The following KDM4B variants were observed in gnomAD, a reference collection of about 807,000 sequenced individuals.
The protein encoded by KDM4B is lysine demethylase 4B, also known as lysine-specific demethylase 4B.
In KDM4B, 32 loss-of-function variants were observed where a neutral mutation model predicts 125.2. The observed-to-expected ratio is 0.26, with a 90% CI of 0.19 to 0.34. KDM4B has a LOEUF of 0.34. Among genes scored for constraint, KDM4B ranks in the 10% least tolerant of loss-of-function variants. KDM4B has a pLI of 1.00. For missense variants in KDM4B, 1,190 were observed against 1,577.7 expected (o/e 0.75, Z 4.16); for synonymous variants, 721 against 677.9 (o/e 1.06, Z -0.99).
At position 5,131,359 on chromosome 19, in the gene KDM4B, G is replaced by A. The variant is rs768722124; in HGVS notation, c.1599G>A (p.Pro533=). Residue 533 remains proline (P), a synonymous_variant, in exon 12 of 23, where the codon CCG becomes CCA. Coordinates refer to ENST00000159111, the MANE Select transcript of KDM4B (RefSeq NM_015015.3). ...RPIIPMLYVV[P]RPGKAAFNQE... Reference sequence around the variant, plus strand: ...TCATCCCCATGCTGTACGTGGTGCCGCGGCCGGGCAAGGCAGCCTTCAACC... The same window carrying A: ...TCATCCCCATGCTGTACGTGGTGCCACGGCCGGGCAAGGCAGCCTTCAACC... 21 of 1,611,934 alleles carry A rather than the reference G, an allele frequency of 1.3e-5. No homozygotes were observed. Among genetic ancestry groups the A allele is most frequent in the South Asian group, 3.3e-5 (3 of 91,044 alleles).
intron 14 of KDM4B, among the ~76,000 whole-genome samples, chr19:5,134,881 C>T (rs1026530958): frequency 2.0e-5 from 3 of 152,198 alleles, no homozygotes; most frequent in South Asian, 2.1e-4. Context: ...ACCTGACAGC[C>T]GACACCGTCT....
intron 21 of KDM4B, among the ~76,000 whole-genome samples, chr19:5,149,432 G>T (rs912169786): frequency 6.6e-6 from 1 of 152,210 alleles, no homozygotes; most frequent in Admixed American, 6.5e-5. Flanking sequence ...AGCCTCCTGG[G>T]TAGCTGGGAC....
At chr19:4,978,181 G>A (rs552572018) in intron 1 of KDM4B, among the ~76,000 whole-genome samples, 38 of 152,184 alleles carry the variant, frequency 2.5e-4, no homozygotes, top group Non-Finnish European at 5.0e-4. Context: ...GGGACGAGGC[G>A]GAGGAAGTCG....
chr19:4,998,884 G>C (rs1302260189), intron 1 of KDM4B, among the ~76,000 whole-genome samples: 2 of 152,164 alleles, frequency 1.3e-5, no homozygotes, highest in Non-Finnish European at 2.9e-5. Context: ...GAAAGTCCTG[G>C]AGCCGACATT....
intron 22 of KDM4B, among the ~76,000 whole-genome samples, chr19:5,150,967 T>G (rs1229621784): frequency 6.6e-6 from 1 of 152,252 alleles, no homozygotes; most frequent in Non-Finnish European, 1.5e-5. Context: ...CTTTATTCTC[T>G]TTCTAATCGA....
At chr19:4,988,964 G>C (rs2034940244) in intron 1 of KDM4B, among the ~76,000 whole-genome samples, 1 of 152,226 alleles carries the variant, frequency 6.6e-6, no homozygotes, top group Non-Finnish European at 1.5e-5. Context: ...GGGCTGCCAA[G>C]CCCTTAGTCA....
At chr19:5,106,268 G>A (rs772542505) in intron 9 of KDM4B, among the ~76,000 whole-genome samples, 4 of 152,128 alleles carry the variant, frequency 2.6e-5, no homozygotes, top group South Asian at 2.1e-4. Context: ...GTGTGTGTGC[G>A]CGCGCGTGCA....
chr19:5,053,190 C>G (rs142449758), intron 6 of KDM4B, among the ~76,000 whole-genome samples: 7 of 152,350 alleles, frequency 4.6e-5, no homozygotes, highest in Non-Finnish European at 1.0e-4. Context: ...GATAGTTGCT[C>G]CCTCCTCTCC....
At chr19:5,048,992 G>A (rs1435060081) in intron 6 of KDM4B, among the ~76,000 whole-genome samples, 1 of 152,192 alleles carries the variant, frequency 6.6e-6, no homozygotes, top group Non-Finnish European at 1.5e-5. Flanking sequence ...CAGCAGCTCG[G>A]TCTCCTGTGA....
chr19:5,086,711 C>T (rs550386363), intron 9 of KDM4B, among the ~76,000 whole-genome samples: 53 of 152,318 alleles, frequency 3.5e-4, no homozygotes, highest in African/African-American at 1.3e-3. Context: ...TGGCCCCCAC[C>T]GCCTCACCAC....
At chr19:5,071,633 G>A (rs1476388093) in intron 7 of KDM4B, among the ~76,000 whole-genome samples, 1 of 152,204 alleles carries the variant, frequency 6.6e-6, no homozygotes, top group African/African-American at 2.4e-5. Context: ...GTCATAGAGG[G>A]TCCCAGCATG....
chr19:5,049,704 G>A (rs576926012), intron 6 of KDM4B, among the ~76,000 whole-genome samples: 1 of 152,154 alleles, frequency 6.6e-6, no homozygotes, highest in South Asian at 2.1e-4. Context: ...GACAGGCATA[G>A]ACCAGGTGAC....
Position 5,082,920 on chromosome 19 carries a change from C to T in KDM4B, c.918+416C>T, listed in dbSNP as rs2145874237. Among the ~76,000 whole-genome samples, 1 of 152,316 alleles carries T rather than the reference C, an allele frequency of 6.6e-6. No individual in the cohort carries two copies. Among genetic ancestry groups the T allele is most frequent in the South Asian group, 2.1e-4 (1 of 4,830 alleles). ...CTGGGGTTGGGTTGTTTGCTGACAT[C>T]TCTCTCCTGGGGGCCGCTTGGCCAG... is the stretch of plus-strand genomic sequence containing the variant. On this transcript the variant is annotated intron_variant, in intron 9 of 22. Coordinates refer to ENST00000159111, the MANE Select transcript of KDM4B (RefSeq NM_015015.3). This position sits in a 1 kb window ranked among gnomAD's most constrained non-coding sequence, Gnocchi z 5.4.
At position 5,032,912 on chromosome 19, in the gene KDM4B, G is replaced by C; in HGVS notation, c.22G>C (p.Ala8Pro). The C allele has an allele frequency of 6.2e-7, 1 of 1,614,134 alleles. No individual in the cohort carries two copies. The highest frequency in any genetic ancestry group is 8.5e-7 in the Non-Finnish European group (1 of 1,180,020). Residue 8 changes from alanine to proline, a missense_variant, in exon 3 of 23, where the codon GCC becomes CCC. Physicochemically the swap from Ala to Pro is conservative, Grantham distance 27. Coordinates refer to ENST00000159111, the MANE Select transcript of KDM4B (RefSeq NM_015015.3). ...AGCCATGGGGTCTGAGGACCACGGC[G>C]CCCAGAACCCCAGCTGTAAAATCAT... MGSEDHG[A>P]QNPSCKIMTF...
At chr19:5,145,062 C>T (rs1306324984) in intron 21 of KDM4B, among the ~76,000 whole-genome samples, 160 bp downstream of exon 21, 1 of 152,218 alleles carries the variant, frequency 6.6e-6, no homozygotes, top group Non-Finnish European at 1.5e-5. Context: ...TGAGCCTTGG[C>T]TCGCCTGCCT....
intron 15 of KDM4B, 74 bp from the exon 16 acceptor site, chr19:5,137,188 T>TCC (rs113545259): frequency 2.9e-5 from 30 of 1,027,074 alleles, no homozygotes; most frequent in Non-Finnish European, 4.4e-5. Context: ...ACCCGGCCCC[T>TCC]CCCCCTGAGT....
At chr19:5,042,620 A>G (rs1568251129) in intron 5 of KDM4B, among the ~76,000 whole-genome samples, 1 of 151,976 alleles carries the variant, frequency 6.6e-6, no homozygotes, top group Non-Finnish European at 1.5e-5. Flanking sequence ...GCCTCAGGAA[A>G]CTTAGAGTCG....
intron 4 of KDM4B, 83 bp downstream of exon 4, chr19:5,040,094 C>A: frequency 7.2e-7 from 1 of 1,395,646 alleles, no homozygotes; most frequent in Non-Finnish European, 9.7e-7. Flanking sequence ...AGAGAAGGTG[C>A]GGTACACGCA....
At chr19:5,088,865 C>T (rs536151442) in intron 9 of KDM4B, among the ~76,000 whole-genome samples, 10 of 152,186 alleles carry the variant, frequency 6.6e-5, no homozygotes, top group Non-Finnish European at 1.5e-4. Context: ...GCTGACCTTA[C>T]CATCTCTGCC....
Sources: gnomAD v4.1 joint callset for allele counts (sites outside exome capture counted in the v4.1 genomes callset) on GRCh38, gnomAD v4.1.1 for gene constraint, Gnocchi (gnomAD v3.1) non-coding constraint, MANE v1.5 for transcripts, NCBI Gene and HGNC (gene_info 2026-07-23, HGNC 2026-07-21) for gene names.